The following DNAJC1 variants were observed in gnomAD, a reference collection of about 807,000 sequenced individuals.
DNAJC1 encodes the protein DnaJ heat shock protein family (Hsp40) member C1, also known as dnaJ homolog subfamily C member 1.
In DNAJC1, 58 loss-of-function variants were observed where a neutral mutation model predicts 76.6. The ratio of observed to expected loss-of-function variants is 0.76; its 90% confidence interval spans 0.61 to 0.94. The LOEUF is 0.94. Among genes scored for constraint, DNAJC1 ranks in the 40% least tolerant of loss-of-function variants. The pLI, the probability that DNAJC1 is intolerant of heterozygous loss-of-function variation, is 0.00. For synonymous variants in DNAJC1, 258 were observed against 267.9 expected, an observed-to-expected ratio of 0.96 and a Z score of 0.36; for missense variants, 689 against 677.3, an observed-to-expected ratio of 1.02 and a Z score of -0.19.
At chr10:21,966,434 A>ATT (rs34646324) in intron 1 of DNAJC1, among the ~76,000 whole-genome samples, 82 of 147,698 alleles carry the variant, frequency 5.6e-4, no homozygotes, top group East Asian at 1.4e-3. Context: ...TCTAGTGGTG[A>ATT]TTTTTTTTTT....
chr10:21,879,642 T>TA (rs1477801931), intron 8 of DNAJC1, among the ~76,000 whole-genome samples: 3 of 152,046 alleles, frequency 2.0e-5, no homozygotes, highest in Non-Finnish European at 2.9e-5. Flanking sequence ...AATAATAATT[T>TA]AAAAAAATGT....
At chr10:21,794,006 G>A (rs1490765094) in intron 9 of DNAJC1, among the ~76,000 whole-genome samples, 1 of 152,148 alleles carries the variant, frequency 6.6e-6, no homozygotes. Context: ...AGGGCAAGGT[G>A]GCTCACGCCT....
chr10:21,830,475 G>A lies in DNAJC1; in HGVS notation c.979-24376C>T, dbSNP rs1423576665. On this transcript the variant is annotated intron_variant, in intron 8 of 11. Transcript: ENST00000376980. ...GAGAAGGTAATTGGTAGTATAACTG[G>A]CGTTCCTTTGTTTTCTCTCTGTGGT... 4.0e-5 allele frequency among the ~76,000 whole-genome samples: 6 copies of A among 151,640 alleles called. No homozygotes were observed. In the East Asian group the frequency reaches 1.2e-3, roughly 29 times the overall value.
chr10:21,760,781 G>C (rs1291523887), intron 10 of DNAJC1, among the ~76,000 whole-genome samples: 1 of 152,194 alleles, frequency 6.6e-6, no homozygotes, highest in African/African-American at 2.4e-5. Flanking sequence ...AAATGGAGGT[G>C]AACCTTAAGA....
intron 8 of DNAJC1, among the ~76,000 whole-genome samples, chr10:21,836,027 C>G (rs376390928): frequency 1.0e-3 from 159 of 152,162 alleles, no homozygotes; most frequent in African/African-American, 3.3e-3. Context: ...ATAATTGTCA[C>G]ATTCACCAAA....
intron 8 of DNAJC1, among the ~76,000 whole-genome samples, chr10:21,854,086 T>A (rs916012546): frequency 1.3e-5 from 2 of 152,010 alleles, no homozygotes; most frequent in African/African-American, 4.8e-5. Flanking sequence ...ATTTACCCTA[T>A]AGACACTACA....
intron 6 of DNAJC1, among the ~76,000 whole-genome samples, chr10:21,911,399 A>G (rs1836861608): frequency 6.6e-6 from 1 of 152,216 alleles, no homozygotes; most frequent in Non-Finnish European, 1.5e-5. Flanking sequence ...TCTCAGAATT[A>G]CATATAATAT....
chr10:21,913,556 G>A (rs1836902489), intron 6 of DNAJC1, among the ~76,000 whole-genome samples: 2 of 152,242 alleles, frequency 1.3e-5, no homozygotes, highest in Admixed American at 6.5e-5. Flanking sequence ...TATGCACAGA[G>A]CACTGATTAT....
chr10:21,871,142 A>C (rs1262775780), intron 8 of DNAJC1, among the ~76,000 whole-genome samples: 1 of 152,134 alleles, frequency 6.6e-6, no homozygotes, highest in Non-Finnish European at 1.5e-5. Context: ...TGTATGATGC[A>C]TGAAGTTATT....
intron 1 of DNAJC1, among the ~76,000 whole-genome samples, chr10:21,955,049 C>G (rs931649482): frequency 6.6e-6 from 1 of 152,164 alleles, no homozygotes; most frequent in Non-Finnish European, 1.5e-5. Context: ...CAGCACCCCA[C>G]CAGATGCCAG....
At chr10:21,846,377 A>C (rs553846136) in intron 8 of DNAJC1, among the ~76,000 whole-genome samples, 61 of 152,274 alleles carry the variant, frequency 4.0e-4, no homozygotes, top group Middle Eastern at 3.4e-3. Flanking sequence ...GCAAAAAAAA[A>C]CCAAAGGTTT....
At chr10:21,806,745 C>T (rs1310077202) in intron 8 of DNAJC1, among the ~76,000 whole-genome samples, 1 of 151,292 alleles carries the variant, frequency 6.6e-6, no homozygotes, top group African/African-American at 2.4e-5. Context: ...AAATTAGAAA[C>T]TCTTGTGGCC....
In DNAJC1 at chr10:21,919,914, T is replaced by C. The variant is rs1837013494; in HGVS notation, c.553A>G (p.Arg185Gly). 6.2e-7 allele frequency: 1 copy of C among 1,603,150 alleles called. No individual in the cohort carries two copies. Among genetic ancestry groups the C allele is most frequent in the Non-Finnish European group, 8.5e-7 (1 of 1,175,678 alleles). ...LEKQLDELLSRKKREKKKKTG... is the reference protein window; with the variant it reads ...LEKQLDELLSGKKREKKKKTG... ...TTTTTTTTCTTTTCTCTCTTTTTTC[T>C]ACTTAGTAGTTCATCCTTAATGTGG... Residue 185 changes from arginine (R) to glycine (G), a missense_variant, in exon 5 of 12, where the codon AGA becomes GGA. Transcript: ENST00000376980.
At chr10:21,978,181 T>C (rs1362690783) in intron 1 of DNAJC1, among the ~76,000 whole-genome samples, 1 of 152,152 alleles carries the variant, frequency 6.6e-6, no homozygotes, top group Non-Finnish European at 1.5e-5. Flanking sequence ...TAATACAATA[T>C]TCAAAAAGTA....
chr10:21,813,174 C>CT (rs1491199845), intron 8 of DNAJC1, among the ~76,000 whole-genome samples: 18 of 55,088 alleles, frequency 3.3e-4, no homozygotes, highest in East Asian at 9.6e-4. Context: ...CTCTCTCTCT[C>CT]CCTCTCTCTC....
chr10:21,972,726 T>C (rs1838000671), intron 1 of DNAJC1, among the ~76,000 whole-genome samples: 1 of 152,066 alleles, frequency 6.6e-6, no homozygotes, highest in African/African-American at 2.4e-5. Context: ...ATGATTCACA[T>C]AAAATGAACT....
chr10:21,983,038 G>C (rs1403224547), intron 1 of DNAJC1, among the ~76,000 whole-genome samples: 1 of 152,170 alleles, frequency 6.6e-6, no homozygotes, highest in Non-Finnish European at 1.5e-5. Context: ...CTGGGCAAGA[G>C]AGGAAGACTC....
At chr10:21,817,482 C>A (rs181275952) in intron 8 of DNAJC1, among the ~76,000 whole-genome samples, 20 of 151,794 alleles carry the variant, frequency 1.3e-4, no homozygotes, top group Non-Finnish European at 2.9e-4. Context: ...ATAAAAGTTA[C>A]GTTCTGTCTT....
At chr10:21,775,855 T>C (rs937683283) in intron 9 of DNAJC1, among the ~76,000 whole-genome samples, 1 of 152,150 alleles carries the variant, frequency 6.6e-6, no homozygotes, top group Non-Finnish European at 1.5e-5. Context: ...GAGGAACTAA[T>C]ATTGTGGGCT....
Sources: gnomAD v4.1 joint callset for allele counts (sites outside exome capture counted in the v4.1 genomes callset) on GRCh38, gnomAD v4.1.1 for gene constraint, MANE v1.5 for transcripts, NCBI Gene and HGNC (gene_info 2026-07-23, HGNC 2026-07-21) for gene names.